SNX16: variants seen among roughly 807,000 people sequenced by gnomAD.
The protein encoded by SNX16 is sorting nexin-16.
Under a neutral mutation model 36.7 loss-of-function variants are expected in SNX16, and 35 were observed. The observed-to-expected ratio is 0.95, with a 90% CI of 0.73 to 1.27. The LOEUF (loss-of-function observed/expected upper bound fraction) is 1.27, where lower values mean the gene tolerates loss of function less well. Ranked by LOEUF, SNX16 falls within the 50% of genes most tolerant of loss-of-function variation. SNX16 has a pLI of 0.00. For synonymous variants in SNX16, 134 were observed against 132.0 expected, an observed-to-expected ratio of 1.02 and a Z score of -0.10; for missense variants, 367 against 393.6, an observed-to-expected ratio of 0.93 and a Z score of 0.57.
Position 81,799,624 on chromosome 8 carries a change from G to C in SNX16, c.*1873C>G, listed in dbSNP as rs1343166849. On this transcript the variant is annotated 3_prime_UTR_variant, in exon 8 of 8. Transcript: ENST00000345957. ...ATTTATTAAATGAACATAATACTGG[G>C]AGTAAAATGCATTATAAAAGTAAAA... 1 of 151,762 alleles carries C rather than the reference G, an allele frequency of 6.6e-6. No individual in the cohort carries two copies. Among genetic ancestry groups the C allele is most frequent in the Non-Finnish European group, 1.5e-5 (1 of 67,836 alleles). The allele number at this position is 151,762 out of a possible 1,614,324, so 9.4% of individuals were successfully genotyped here.
chr8:81,829,116 G>A (rs1256765842), intron 3 of SNX16, among the ~76,000 whole-genome samples: 1 of 151,954 alleles, frequency 6.6e-6, no homozygotes, highest in Non-Finnish European at 1.5e-5. Flanking sequence ...TGCAGTAATA[G>A]GAAACTAATA....
At chr8:81,809,050 GA>G (rs1810104475) in intron 5 of SNX16, among the ~76,000 whole-genome samples, 1 of 151,434 alleles carries the variant, frequency 6.6e-6, no homozygotes, top group African/African-American at 2.4e-5. Flanking sequence ...TTGTGATACT[GA>G]ATAAATGTCT....
intron 1 of SNX16, among the ~76,000 whole-genome samples, chr8:81,841,473 G>GT (rs1190972981): frequency 6.6e-6 from 1 of 151,750 alleles, no homozygotes; most frequent in African/African-American, 2.4e-5. Context: ...CCAAAAACAA[G>GT]TAAGTCTGAA....
intron 4 of SNX16, among the ~76,000 whole-genome samples, chr8:81,817,225 A>G (rs1413877636): frequency 6.6e-6 from 1 of 152,246 alleles, no homozygotes; most frequent in Non-Finnish European, 1.5e-5. Flanking sequence ...ACAGTTTTAT[A>G]TTCAAATTTC....
At chr8:81,811,525 G>A (rs1418872938) in intron 5 of SNX16, among the ~76,000 whole-genome samples, 1 of 152,072 alleles carries the variant, frequency 6.6e-6, no homozygotes, top group Non-Finnish European at 1.5e-5. Context: ...ACTGTTGACT[G>A]AACATTAAGC....
intron 4 of SNX16, among the ~76,000 whole-genome samples, chr8:81,817,249 G>A (rs1810536061): frequency 6.6e-6 from 1 of 152,102 alleles, no homozygotes; most frequent in African/African-American, 2.4e-5. Flanking sequence ...ATACTTTAAT[G>A]TTGCTTTTAT....
At position 81,840,019 on chromosome 8, in the gene SNX16, T is replaced by G. The variant is rs1335250181; in HGVS notation, c.-33A>C. On this transcript the variant is annotated 5_prime_UTR_variant, in exon 2 of 8. Coordinates refer to ENST00000345957, the MANE Select transcript of SNX16 (RefSeq NM_152836.3). ...TGGCTTTTCCAACAAGCTTGCACAC[T>G]GTTGAGTCCACTTAGAGAACAACTA... 3.9e-6 allele frequency: 6 copies of G among 1,541,890 alleles called. No individual in the cohort carries two copies. The highest frequency in any genetic ancestry group is 1.7e-4 in the Middle Eastern group (1 of 5,734).
At chr8:81,832,811 G>A (rs1811327470) in intron 2 of SNX16, among the ~76,000 whole-genome samples, 2 of 148,892 alleles carry the variant, frequency 1.3e-5, no homozygotes, top group South Asian at 2.2e-4. Flanking sequence ...GTTTTGATAC[G>A]GTATTTTGCA....
chr8:81,841,854 G>A (rs996585121), intron 1 of SNX16: 1 of 152,180 alleles, frequency 6.6e-6, no homozygotes, highest in Non-Finnish European at 1.5e-5. Flanking sequence ...GTCTGCGCCG[G>A]TCACGGGTCT....
rs1193494438 is a variant in SNX16 at position 81,805,789 on chromosome 8, CG to C, written c.682-2562del. 2.2e-4 allele frequency among the ~76,000 whole-genome samples: 33 copies of C among 152,028 alleles called. No homozygotes were observed. In the East Asian group the frequency reaches 4.8e-3, roughly 22 times the overall value. ...CAAAAAAATTAGCTGGGCGTGGTGG[CG>C]AGGGCCTGTAGTCCCAGATACTCGG... On this transcript the variant is annotated intron_variant, in intron 5 of 7. Transcript: ENST00000345957.
chr8:81,803,899 A>C (rs1183431598), intron 5 of SNX16, among the ~76,000 whole-genome samples: 1 of 151,906 alleles, frequency 6.6e-6, no homozygotes, highest in Non-Finnish European at 1.5e-5. Flanking sequence ...GAAGAATCTA[A>C]TCTAAAAAGC....
At chr8:81,802,315 A>G in intron 7 of SNX16, 65 bp downstream of exon 7, 1 of 1,330,432 alleles carries the variant, frequency 7.5e-7, no homozygotes, top group Non-Finnish European at 1.0e-6. Flanking sequence ...TACTCTATAG[A>G]GTATTAGAAT....
intron 5 of SNX16, among the ~76,000 whole-genome samples, chr8:81,808,910 C>G (rs904259085): frequency 6.6e-5 from 10 of 151,888 alleles, no homozygotes; most frequent in Non-Finnish European, 1.3e-4. Context: ...GACTGTATTT[C>G]TGACTAATTG....
At chr8:81,831,159 G>A (rs1490008784) in intron 2 of SNX16, among the ~76,000 whole-genome samples, 1 of 152,108 alleles carries the variant, frequency 6.6e-6, no homozygotes, top group African/African-American at 2.4e-5. Flanking sequence ...AACTATAAGA[G>A]TCCCAGAAGA....
chr8:81,831,693 CAAA>C (rs754113806), intron 2 of SNX16, among the ~76,000 whole-genome samples: 26 of 80,944 alleles, frequency 3.2e-4, no homozygotes, highest in East Asian at 4.1e-4. Flanking sequence ...GAGACTCCGT[CAAA>C]AAAAAAAAAA....
chr8:81,822,962 A>ATATATATATGTATATG (rs1810833728), intron 4 of SNX16, among the ~76,000 whole-genome samples: 4 of 111,184 alleles, frequency 3.6e-5, no homozygotes. Flanking sequence ...ATATATATAT[A>ATATATATATGTATATG]TATATATATA....
At chr8:81,807,526 A>G (rs938181516) in intron 5 of SNX16, among the ~76,000 whole-genome samples, 3 of 144,456 alleles carry the variant, frequency 2.1e-5, no homozygotes, top group African/African-American at 5.4e-5. Context: ...CTCAAAAAAA[A>G]AAAAAAAAAA....
At chr8:81,834,156 A>G (rs1811392431) in intron 2 of SNX16, among the ~76,000 whole-genome samples, 3 of 152,192 alleles carry the variant, frequency 2.0e-5, no homozygotes. Flanking sequence ...AAGTGAAGGC[A>G]CATCTCACAT....
chr8:81,824,910 AAGTTCACTCACTT>A (rs1298677843), intron 3 of SNX16, among the ~76,000 whole-genome samples: 1 of 152,162 alleles, frequency 6.6e-6, no homozygotes, highest in Non-Finnish European at 1.5e-5. Flanking sequence ...GAACTGTCTG[AAGTTCACTCACTT>A]ACATCTATAG....
Sources: gnomAD v4.1 joint callset for allele counts (sites outside exome capture counted in the v4.1 genomes callset) on GRCh38, gnomAD v4.1.1 for gene constraint, MANE v1.5 for transcripts, NCBI Gene and HGNC (gene_info 2026-07-23, HGNC 2026-07-21) for gene names.